The following ADAMTSL1 variants were observed in gnomAD, a reference collection of about 807,000 sequenced individuals.
ADAMTSL1 encodes ADAMTS-like protein 1.
A neutral mutation model predicts 201.8 loss-of-function variants in ADAMTSL1; 126 were observed. The observed-to-expected ratio is 0.62, with a 90% CI of 0.54 to 0.72. The LOEUF (loss-of-function observed/expected upper bound fraction) is 0.72, where lower values mean the gene tolerates loss of function less well. ADAMTSL1 is among the 30% of genes least tolerant of loss of function. The probability of loss-of-function intolerance (pLI) is 0.00; values close to 1 mark genes in which losing one functional copy is unlikely to be tolerated. For missense variants in ADAMTSL1, 2,679 were observed against 2,277.8 expected (o/e 1.18, Z -3.59); for synonymous variants, 1,121 against 903.4 (o/e 1.24, Z -4.32).
At chr9:18,471,939 C>T (rs1008411678), upstream of ADAMTSL1, among the ~76,000 whole-genome samples, 5 of 152,224 alleles carry the variant, frequency 3.3e-5, no homozygotes, top group Non-Finnish European at 5.9e-5. Flanking sequence ...CAGTTATTTT[C>T]TGACCATGCT....
intron 2 of ADAMTSL1, among the ~76,000 whole-genome samples, chr9:18,290,711 G>T (rs1274450477): frequency 6.6e-6 from 1 of 151,826 alleles, no homozygotes; most frequent in Non-Finnish European, 1.5e-5. Flanking sequence ...ACCACAGGCA[G>T]TGTTCCCCTT....
chr9:18,010,799 T>C (rs1820020048), intron 1 of ADAMTSL1, among the ~76,000 whole-genome samples: 1 of 152,036 alleles, frequency 6.6e-6, no homozygotes, highest in South Asian at 2.1e-4. Context: ...CCGTGCAATG[T>C]AGCCAGATTC....
chr9:18,426,156 T>C (rs1819210849), intron 2 of ADAMTSL1, among the ~76,000 whole-genome samples: 1 of 151,428 alleles, frequency 6.6e-6, no homozygotes, highest in South Asian at 2.1e-4. Flanking sequence ...GGCAGCCTAA[T>C]TTGGGGCACT....
intron 2 of ADAMTSL1, among the ~76,000 whole-genome samples, chr9:18,302,627 C>G (rs1833751082): frequency 6.6e-6 from 1 of 152,170 alleles, no homozygotes; most frequent in Admixed American, 6.5e-5. Flanking sequence ...TTTAATATGA[C>G]TTAAACCCTT....
intron 2 of ADAMTSL1, among the ~76,000 whole-genome samples, chr9:18,377,861 C>T (rs1439789267): frequency 1.3e-5 from 2 of 152,160 alleles, no homozygotes; most frequent in Non-Finnish European, 2.9e-5. Context: ...AGTCACCATG[C>T]CTGGCTGAGA....
chr9:18,100,016 A>G (rs149161487), intron 1 of ADAMTSL1, among the ~76,000 whole-genome samples: 30 of 151,900 alleles, frequency 2.0e-4, no homozygotes, highest in African/African-American at 7.0e-4. Context: ...ATTCTTCTTA[A>G]TTTTTTTCTA....
chr9:18,475,791 C>A (rs1403668198), intron 1 of ADAMTSL1, among the ~76,000 whole-genome samples: 1 of 151,938 alleles, frequency 6.6e-6, no homozygotes, highest in African/African-American at 2.4e-5. Flanking sequence ...TATATTGCAT[C>A]ATAAAGCAAA....
At chr9:18,902,098 A>G (rs764954155) in intron 26 of ADAMTSL1, among the ~76,000 whole-genome samples, 1 of 152,270 alleles carries the variant, frequency 6.6e-6, no homozygotes, top group Non-Finnish European at 1.5e-5. Context: ...ACCAAACATC[A>G]GAGCCCCAAA....
chr9:18,003,362 G>T (rs1288473577), intron 1 of ADAMTSL1, among the ~76,000 whole-genome samples: 1 of 152,034 alleles, frequency 6.6e-6, no homozygotes, highest in East Asian at 1.9e-4. Flanking sequence ...ACTCAAGAGA[G>T]AGAGGATACC....
chr9:18,699,683 A>G (rs1481869374), intron 13 of ADAMTSL1, among the ~76,000 whole-genome samples: 2 of 152,170 alleles, frequency 1.3e-5, no homozygotes, highest in Non-Finnish European at 2.9e-5. Flanking sequence ...ACTGGTTAGC[A>G]ATATTAGACA....
chr9:18,899,794 A>G (rs1344847405), intron 26 of ADAMTSL1, among the ~76,000 whole-genome samples: 1 of 152,222 alleles, frequency 6.6e-6, no homozygotes, highest in Non-Finnish European at 1.5e-5. Context: ...TTAACTCAAG[A>G]TGGATTAAAG....
At chr9:18,654,932 G>C (rs1421770005) in intron 7 of ADAMTSL1, among the ~76,000 whole-genome samples, 1 of 152,256 alleles carries the variant, frequency 6.6e-6, no homozygotes, top group East Asian at 1.9e-4. Context: ...GAGATACACA[G>C]TAGTGGTTCA....
chr9:18,319,649 A>G (rs956459626), intron 2 of ADAMTSL1, among the ~76,000 whole-genome samples: 1 of 152,154 alleles, frequency 6.6e-6, no homozygotes, highest in Non-Finnish European at 1.5e-5. Flanking sequence ...CTGACCCTTA[A>G]AAGAAGAGCA....
chr9:18,204,447 A>C (rs1032851446), intron 2 of ADAMTSL1, among the ~76,000 whole-genome samples: 6 of 151,994 alleles, frequency 3.9e-5, no homozygotes, highest in Non-Finnish European at 2.9e-5. Context: ...CTGAACTGTG[A>C]GTCTATTAAA....
At chr9:18,286,818 A>G (rs1238013373) in intron 2 of ADAMTSL1, among the ~76,000 whole-genome samples, 1 of 152,124 alleles carries the variant, frequency 6.6e-6, no homozygotes, top group Non-Finnish European at 1.5e-5. Flanking sequence ...AATTCACTAG[A>G]CTAATTCACA....
At chr9:18,829,790 T>C in intron 22 of ADAMTSL1, 53 bp from the exon 23 acceptor site, 1 of 1,609,372 alleles carries the variant, frequency 6.2e-7, no homozygotes, top group Non-Finnish European at 8.5e-7. Context: ...TCCTCTTGCC[T>C]TGACACAGCC....
At chr9:18,756,499 G>C (rs1001961682) in intron 16 of ADAMTSL1, among the ~76,000 whole-genome samples, 2 of 152,004 alleles carry the variant, frequency 1.3e-5, no homozygotes, top group East Asian at 3.9e-4. Flanking sequence ...GGATCCCTAG[G>C]CTAGTTGGCT....
chr9:18,602,007 T>C (rs544787135), intron 4 of ADAMTSL1, among the ~76,000 whole-genome samples: 159 of 152,316 alleles, frequency 1.0e-3, no homozygotes, highest in African/African-American at 3.5e-3. Flanking sequence ...GTTTTGTAAA[T>C]CTCATTAAAG....
chr9:18,751,804 G>T (rs1350345776), intron 15 of ADAMTSL1, among the ~76,000 whole-genome samples: 3 of 152,186 alleles, frequency 2.0e-5, no homozygotes, highest in Non-Finnish European at 2.9e-5. Context: ...GAAGGGCAAG[G>T]AAAGGGCAAA....
Sources: allele counts gnomAD v4.1 joint callset (sites outside exome capture counted in the v4.1 genomes callset), GRCh38; gene constraint gnomAD v4.1.1; transcripts MANE v1.5; gene names NCBI Gene and HGNC (gene_info 2026-07-23, HGNC 2026-07-21).